The following KCNIP4 variants were observed in gnomAD, a reference collection of about 807,000 sequenced individuals.
KCNIP4 encodes potassium voltage-gated channel interacting protein 4, also known as Kv channel-interacting protein 4.
Under a neutral mutation model 34.0 loss-of-function variants are expected in KCNIP4, and 12 were observed. The observed-to-expected ratio is 0.35, with a 90% confidence interval of 0.23 to 0.57. The LOEUF is 0.57. Among genes scored for constraint, KCNIP4 ranks in the 20% least tolerant of loss-of-function variants. The probability of loss-of-function intolerance (pLI) is 0.83; values close to 1 mark genes in which losing one functional copy is unlikely to be tolerated. For missense variants in KCNIP4, 238 were observed against 311.7 expected (o/e 0.76, Z 1.78); for synonymous variants, 124 against 102.2 (o/e 1.21, Z -1.29).
intron 1 of KCNIP4, among the ~76,000 whole-genome samples, chr4:21,735,922 C>T (rs1023103347): frequency 1.3e-4 from 20 of 152,136 alleles, no homozygotes; most frequent in Admixed American, 8.5e-4. Context: ...CTTTCAGAGC[C>T]TTTATGGGAC....
chr4:21,385,831 G>A (rs1330257433), intron 1 of KCNIP4, among the ~76,000 whole-genome samples: 2 of 152,098 alleles, frequency 1.3e-5, no homozygotes, highest in African/African-American at 2.4e-5. Context: ...AGATACAAAA[G>A]TCTATTGGAC....
chr4:21,899,814 C>A (rs1727608752), intron 1 of KCNIP4, among the ~76,000 whole-genome samples: 1 of 152,054 alleles, frequency 6.6e-6, no homozygotes, highest in African/African-American at 2.4e-5. Flanking sequence ...AGAAAGATAT[C>A]CCATGTTCAT....
At chr4:21,426,899 T>A (rs1181961220) in intron 1 of KCNIP4, among the ~76,000 whole-genome samples, 1 of 98,756 alleles carries the variant, frequency 1.0e-5, no homozygotes, top group Non-Finnish European at 2.3e-5. Context: ...GTCACTTTTT[T>A]AACTTTTTTT....
chr4:20,968,511 AGACTTGGAACCAACCCAAAT>A, intron 1 of KCNIP4, among the ~76,000 whole-genome samples: 1 of 152,174 alleles, frequency 6.6e-6, no homozygotes, highest in East Asian at 1.9e-4. Context: ...ACAATAGCAA[AGACTTGGAACCAACCCAAAT>A]GTCCATCAAT....
intron 1 of KCNIP4, among the ~76,000 whole-genome samples, chr4:21,170,115 C>A (rs535557599): frequency 1.7e-4 from 26 of 152,100 alleles, no homozygotes; most frequent in Admixed American, 1.4e-3. Flanking sequence ...TTTAGTAGAG[C>A]TTTACCAGAG....
At chr4:21,697,527 A>C in intron 1 of KCNIP4, 1 of 1,461,884 alleles carries the variant, frequency 6.8e-7, no homozygotes, top group Non-Finnish European at 8.9e-7. Context: ...TCTGAGGAGA[A>C]ACTTCTGTCT....
intron 1 of KCNIP4, among the ~76,000 whole-genome samples, chr4:21,072,446 C>G (rs375359644): frequency 1.1e-4 from 17 of 151,314 alleles, no homozygotes; most frequent in East Asian, 1.9e-4. Context: ...GTCTTCTTTT[C>G]AGAAGTGTCT....
intron 1 of KCNIP4, among the ~76,000 whole-genome samples, chr4:21,600,124 A>G (rs1742987950): frequency 6.6e-6 from 1 of 152,064 alleles, no homozygotes; most frequent in Non-Finnish European, 1.5e-5. Context: ...CACTCAGTCC[A>G]CTGAAAGGGC....
intron 1 of KCNIP4, among the ~76,000 whole-genome samples, chr4:21,503,317 G>A (rs897315390): frequency 1.3e-5 from 2 of 152,038 alleles, no homozygotes; most frequent in Admixed American, 1.3e-4. Flanking sequence ...ATTAACTATT[G>A]GGGAGGTAAA....
chr4:21,592,414 A>G (rs970428377), intron 1 of KCNIP4, among the ~76,000 whole-genome samples: 1 of 152,098 alleles, frequency 6.6e-6, no homozygotes, highest in Non-Finnish European at 1.5e-5. Context: ...TTACCTTTTA[A>G]TTTCTCATTT....
intron 5 of KCNIP4, among the ~76,000 whole-genome samples, chr4:20,737,692 C>A (rs1160993571): frequency 6.6e-6 from 1 of 152,184 alleles, no homozygotes; most frequent in Non-Finnish European, 1.5e-5. Context: ...AGCTCTGATA[C>A]TAAGCAGTAA....
At chr4:21,923,076 C>T (rs1729023145) in intron 1 of KCNIP4, among the ~76,000 whole-genome samples, 1 of 152,164 alleles carries the variant, frequency 6.6e-6, no homozygotes, top group Non-Finnish European at 1.5e-5. Context: ...AATTTATCCT[C>T]CTTCTCACAG....
intron 2 of KCNIP4, among the ~76,000 whole-genome samples, chr4:20,859,636 C>G (rs1331379808): frequency 6.6e-6 from 1 of 152,048 alleles, no homozygotes; most frequent in Non-Finnish European, 1.5e-5. Context: ...CATCTAGGAA[C>G]AACAGAATGC....
chr4:20,916,999 A>T (rs1345341613), intron 1 of KCNIP4, among the ~76,000 whole-genome samples: 2 of 3,136 alleles, frequency 6.4e-4, no homozygotes, highest in Non-Finnish European at 1.2e-3. Flanking sequence ...ATATATATAT[A>T]TATATATATA....
At chr4:21,225,333 T>A (rs1044786409) in intron 1 of KCNIP4, among the ~76,000 whole-genome samples, 2 of 152,122 alleles carry the variant, frequency 1.3e-5, no homozygotes, top group African/African-American at 4.8e-5. Flanking sequence ...TCAACCTAAA[T>A]TTTGTTAAAC....
rs1207663101 is a variant in KCNIP4, at chr4:21,247,972, CAT to C, written c.62-365265_62-365264del. On this transcript the variant is annotated intron_variant, in intron 1 of 8. Coordinates refer to ENST00000382152, the MANE Select transcript of KCNIP4 (RefSeq NM_025221.6). ...ACACACACATATATATATACACACA[CAT>C]ATATATATACACACACACACACACA... 8.7e-4 allele frequency among the ~76,000 whole-genome samples: 96 copies of C among 109,828 alleles called. 1 individual carries two copies. Among genetic ancestry groups the C allele is most frequent in the Non-Finnish European group, 1.2e-3 (71 of 58,696 alleles). 72.1% of individuals were successfully genotyped at this position (109,828 alleles called of 152,430 possible).
chr4:21,165,448 TC>T (rs1560774960), intron 1 of KCNIP4, among the ~76,000 whole-genome samples: 1 of 602 alleles, frequency 1.7e-3, no homozygotes, highest in Non-Finnish European at 2.9e-3. Context: ...TTTGAAAGCA[TC>T]AAAAAAAAAA....
At chr4:21,707,907 C>T (rs560213987) in intron 1 of KCNIP4, among the ~76,000 whole-genome samples, 1 of 144,594 alleles carries the variant, frequency 6.9e-6, no homozygotes, top group African/African-American at 2.6e-5. Context: ...TAAAATTAGG[C>T]TGACATTATC....
At chr4:21,299,852 G>A (rs370250082) in intron 1 of KCNIP4, among the ~76,000 whole-genome samples, 11 of 152,222 alleles carry the variant, frequency 7.2e-5, no homozygotes, top group African/African-American at 2.6e-4. Flanking sequence ...ATCCATCTTT[G>A]TGTATACAGC....
Sources: allele counts gnomAD v4.1 joint callset (sites outside exome capture counted in the v4.1 genomes callset), GRCh38; gene constraint gnomAD v4.1.1; transcripts MANE v1.5; gene names NCBI Gene and HGNC (gene_info 2026-07-23, HGNC 2026-07-21).